The following ERC2 variants were observed in gnomAD, a reference collection of about 807,000 sequenced individuals.
The protein encoded by ERC2 is ELKS/RAB6-interacting/CAST family member 2, also known as ERC protein 2.
A neutral mutation model predicts 114.8 loss-of-function variants in ERC2; 42 were observed. The ratio of observed to expected loss-of-function variants is 0.37; its 90% confidence interval spans 0.29 to 0.47. The LOEUF (loss-of-function observed/expected upper bound fraction) is 0.47, where lower values mean the gene tolerates loss of function less well. ERC2 is among the 20% of genes least tolerant of loss of function. The pLI, the probability that ERC2 is intolerant of heterozygous loss-of-function variation, is 0.99. For missense variants in ERC2, 939 were observed against 1,150.7 expected, an observed-to-expected ratio of 0.82 and a Z score of 2.66; for synonymous variants, 454 against 425.5, an observed-to-expected ratio of 1.07 and a Z score of -0.82.
At chr3:55,964,000 TA>T (rs2068571902) in intron 12 of ERC2, among the ~76,000 whole-genome samples, 1 of 152,232 alleles carries the variant, frequency 6.6e-6, no homozygotes, top group Non-Finnish European at 1.5e-5. Flanking sequence ...TATAAGAAGA[TA>T]AAAATCTTAT....
chr3:56,195,239 T>A (rs533830765), intron 3 of ERC2, among the ~76,000 whole-genome samples: 1 of 152,248 alleles, frequency 6.6e-6, no homozygotes, highest in Admixed American at 6.5e-5. Flanking sequence ...GAAGGTGGCA[T>A]AGACAGCATG....
intron 3 of ERC2, among the ~76,000 whole-genome samples, chr3:56,278,585 T>G (rs1458285546): frequency 6.6e-6 from 1 of 152,226 alleles, no homozygotes; most frequent in Non-Finnish European, 1.5e-5. Context: ...TCCATATTTG[T>G]GTTGCTATCA....
intron 3 of ERC2, among the ~76,000 whole-genome samples, chr3:56,220,186 C>T (rs867430005): frequency 6.6e-6 from 1 of 152,172 alleles, no homozygotes; most frequent in African/African-American, 2.4e-5. Context: ...AGACCAGCAG[C>T]ACACACAGGG....
intron 14 of ERC2, among the ~76,000 whole-genome samples, chr3:55,780,603 A>G (rs1346996190): frequency 6.6e-6 from 1 of 152,234 alleles, no homozygotes; most frequent in African/African-American, 2.4e-5. Context: ...CTCCATCATA[A>G]CAATTGTTAT....
At chr3:55,667,787 C>T (rs575114046) in intron 17 of ERC2, among the ~76,000 whole-genome samples, 1 of 152,330 alleles carries the variant, frequency 6.6e-6, no homozygotes, top group East Asian at 1.9e-4. Flanking sequence ...AGAGAGTTTA[C>T]GAAAGTTGCC....
At chr3:56,121,555 C>A (rs1476145246) in intron 6 of ERC2, among the ~76,000 whole-genome samples, 2 of 152,068 alleles carry the variant, frequency 1.3e-5, no homozygotes, top group Non-Finnish European at 2.9e-5. Flanking sequence ...TACAAATGCT[C>A]CAACTCTCAA....
At chr3:56,422,290 A>G (rs1311035114) in intron 2 of ERC2, among the ~76,000 whole-genome samples, 1 of 152,176 alleles carries the variant, frequency 6.6e-6, no homozygotes, top group Non-Finnish European at 1.5e-5. Context: ...TTGTAGATTC[A>G]GGGAATTTGT....
intron 13 of ERC2, among the ~76,000 whole-genome samples, chr3:55,918,655 T>C (rs371150324): frequency 1.4e-3 from 212 of 151,914 alleles, no homozygotes; most frequent in African/African-American, 4.8e-3. Context: ...TGAAACACTG[T>C]CTTAAGAATG....
chr3:56,156,552 G>A (rs2081732119), intron 4 of ERC2, among the ~76,000 whole-genome samples: 1 of 152,162 alleles, frequency 6.6e-6, no homozygotes, highest in African/African-American at 2.4e-5. Flanking sequence ...AAGGGGTGGA[G>A]TTGGGTGCAG....
chr3:56,085,358 C>G (rs1488086831), intron 6 of ERC2, among the ~76,000 whole-genome samples: 1 of 152,122 alleles, frequency 6.6e-6, no homozygotes, highest in African/African-American at 2.4e-5. Flanking sequence ...GTGTGGAGCC[C>G]CCAAGCCCTA....
At chr3:56,215,254 T>C (rs977882128) in intron 3 of ERC2, among the ~76,000 whole-genome samples, 16 of 152,070 alleles carry the variant, frequency 1.1e-4, no homozygotes, top group African/African-American at 3.4e-4. Context: ...ACCCATCTCA[T>C]GTGTAGAGAC....
At chr3:55,661,844 TGGGCCCAC>T (rs2061150528) in intron 17 of ERC2, among the ~76,000 whole-genome samples, 1 of 152,026 alleles carries the variant, frequency 6.6e-6, no homozygotes, top group Non-Finnish European at 1.5e-5. Flanking sequence ...AAAAAAAAAG[TGGGCCCAC>T]CTCCTTTCCT....
At chr3:56,231,610 T>G (rs1024535784) in intron 3 of ERC2, among the ~76,000 whole-genome samples, 9 of 152,218 alleles carry the variant, frequency 5.9e-5, no homozygotes, top group African/African-American at 2.2e-4. Context: ...ATTACAGTTG[T>G]TGAACTTGAG....
chr3:56,354,050 C>T (rs1334068185), intron 2 of ERC2, among the ~76,000 whole-genome samples: 1 of 152,120 alleles, frequency 6.6e-6, no homozygotes, highest in East Asian at 1.9e-4. Context: ...GACTCCAGAG[C>T]CCACACTCAA....
intron 14 of ERC2, among the ~76,000 whole-genome samples, chr3:55,811,117 T>C (rs559194616): frequency 2.6e-5 from 4 of 151,932 alleles, no homozygotes; most frequent in Non-Finnish European, 4.4e-5. Flanking sequence ...CTAACATGCA[T>C]TTAAAATGCC....
intron 2 of ERC2, among the ~76,000 whole-genome samples, chr3:56,318,961 CAAAAA>C (rs35256298): frequency 2.5e-5 from 2 of 81,586 alleles, no homozygotes; most frequent in Admixed American, 1.3e-4. Flanking sequence ...GACCCTGTCT[CAAAAA>C]AAAAAAAAAA....
chr3:55,960,682 C>T (rs186539443), intron 12 of ERC2, among the ~76,000 whole-genome samples: 7 of 152,330 alleles, frequency 4.6e-5, no homozygotes, highest in Admixed American at 3.9e-4. Flanking sequence ...CTACCCATGT[C>T]CTCTCTGGCC....
chr3:56,090,853 C>T (rs1021854918), intron 6 of ERC2, among the ~76,000 whole-genome samples: 3 of 151,720 alleles, frequency 2.0e-5, no homozygotes, highest in African/African-American at 7.3e-5. Flanking sequence ...AAAAACTGAC[C>T]ACCTAAGTAG....
intron 2 of ERC2, among the ~76,000 whole-genome samples, chr3:56,308,136 G>A (rs2056340232): frequency 6.6e-6 from 1 of 152,134 alleles, no homozygotes; most frequent in Non-Finnish European, 1.5e-5. Context: ...CTGCTCCAAA[G>A]CTGCCAACAC....
Sources: allele counts gnomAD v4.1 joint callset (sites outside exome capture counted in the v4.1 genomes callset), GRCh38; gene constraint gnomAD v4.1.1; transcripts MANE v1.5; gene names NCBI Gene and HGNC (gene_info 2026-07-23, HGNC 2026-07-21).